The following SEMA3A variants were observed in gnomAD, a reference collection of about 807,000 sequenced individuals.
SEMA3A encodes the protein semaphorin 3A.
A neutral mutation model predicts 97.9 loss-of-function variants in SEMA3A; 29 were observed. That is an observed-to-expected ratio of 0.30 (90% confidence interval 0.22 to 0.40). SEMA3A has a LOEUF of 0.40. SEMA3A is among the 10% of genes least tolerant of loss of function. The pLI is 1.00. For synonymous variants in SEMA3A, 321 were observed against 323.7 expected (o/e 0.99, Z 0.09); for missense variants, 763 against 951.3 (o/e 0.80, Z 2.60).
At chr7:84,425,521 T>A (rs2116301996) in intron 1 of SEMA3A, among the ~76,000 whole-genome samples, 1 of 143,768 alleles carries the variant, frequency 7.0e-6, no homozygotes, top group Admixed American at 7.2e-5. Flanking sequence ...CATATGAATA[T>A]AAGCATAAAC....
At chr7:84,325,309 T>C (rs543562714) in intron 2 of SEMA3A, among the ~76,000 whole-genome samples, 18 of 151,918 alleles carry the variant, frequency 1.2e-4, no homozygotes, top group Non-Finnish European at 2.4e-4. Context: ...AATCAAACAA[T>C]CAAATTATGA....
chr7:84,368,151 G>C lies in SEMA3A; in HGVS notation c.-169+3673C>G, dbSNP rs538310307. ...TAACCCATGGTATTTCTAAAAATAG[G>C]TTATAAGCTTCAAAAATTCTATTTT... On this transcript the variant is annotated intron_variant, in intron 2 of 3. Coordinates refer to the SEMA3A transcript ENST00000424555. Among the ~76,000 whole-genome samples the C allele has an allele frequency of 1.4e-3, 215 of 151,130 alleles. 1 individual carries two copies. Among genetic ancestry groups the C allele is most frequent in the African/African-American group, 5.0e-3 (208 of 41,416 alleles).
chr7:84,091,559 T>G (rs1794605298), intron 4 of SEMA3A, among the ~76,000 whole-genome samples: 1 of 152,124 alleles, frequency 6.6e-6, no homozygotes, highest in African/African-American at 2.4e-5. Context: ...CAGAAGCTAT[T>G]CAGCCGAGTG....
intron 3 of SEMA3A, among the ~76,000 whole-genome samples, chr7:84,279,385 C>A (rs2115735611): frequency 6.6e-6 from 1 of 152,096 alleles, no homozygotes; most frequent in Middle Eastern, 3.4e-3. Context: ...AAAGTAGATA[C>A]AACCTTGGAG....
intron 4 of SEMA3A, among the ~76,000 whole-genome samples, chr7:84,078,657 T>G: frequency 6.6e-6 from 1 of 152,086 alleles, no homozygotes; most frequent in East Asian, 1.9e-4. Context: ...GATTTGAAAC[T>G]CTAGTTTAAT....
At chr7:84,342,342 AT>A (rs1027417435) in intron 2 of SEMA3A, among the ~76,000 whole-genome samples, 8 of 151,960 alleles carry the variant, frequency 5.3e-5, no homozygotes, top group African/African-American at 1.9e-4. Context: ...CCACTATAGA[AT>A]TTTTTTACTT....
intron 4 of SEMA3A, among the ~76,000 whole-genome samples, chr7:84,090,873 C>T (rs1195841344): frequency 2.0e-5 from 3 of 151,348 alleles, no homozygotes; most frequent in African/African-American, 7.3e-5. Context: ...TCAAGACCAG[C>T]CTAGCCAACA....
intron 2 of SEMA3A, among the ~76,000 whole-genome samples, chr7:84,320,729 A>T (rs1359950761): frequency 1.3e-5 from 2 of 150,878 alleles, no homozygotes; most frequent in Admixed American, 1.3e-4. Context: ...AATTGCAATT[A>T]TTATACAATG....
intron 11 of SEMA3A, among the ~76,000 whole-genome samples, chr7:84,004,182 T>TAG (rs1790569830): frequency 6.6e-6 from 1 of 152,098 alleles, no homozygotes; most frequent in Non-Finnish European, 1.5e-5. Context: ...AGAAATTTAT[T>TAG]ACCTTGGAAT....
chr7:84,412,974 T>G (rs556185381), intron 1 of SEMA3A, among the ~76,000 whole-genome samples: 17 of 152,090 alleles, frequency 1.1e-4, no homozygotes, highest in Middle Eastern at 3.4e-3. Context: ...ATACACAAAT[T>G]TCTTTTTCAA....
rs964889622 is a variant in SEMA3A at position 84,194,642 on chromosome 7, G to T, written c.-56C>A. The T allele has an allele frequency of 1.8e-6, 2 of 1,115,496 alleles. No individual in the cohort carries two copies. The highest frequency in any genetic ancestry group is 3.1e-5 in the African/African-American group (2 of 64,262). The allele number at this position is 1,115,496 out of a possible 1,614,324, so 69.1% of individuals were successfully genotyped here. A position where few individuals can be genotyped will look rare whatever the true frequency, so the allele number is the denominator to read the frequency against. The stretch of plus-strand genomic sequence containing the variant: ...TTAGTCTTCCTTCCTGTATTGTGCG[G>T]CCAGAGAAGTTCAAACAATCTGGAA... On this transcript the variant is annotated 5_prime_UTR_variant, in exon 1 of 17. Coordinates refer to ENST00000265362, the MANE Select transcript of SEMA3A (RefSeq NM_006080.3).
chr7:84,294,184 A>G (rs1800816146), intron 3 of SEMA3A, among the ~76,000 whole-genome samples: 1 of 151,898 alleles, frequency 6.6e-6, no homozygotes, highest in Non-Finnish European at 1.5e-5. Flanking sequence ...AAGATTATAC[A>G]TGTTTATTTT....
intron 1 of SEMA3A, among the ~76,000 whole-genome samples, chr7:84,439,394 T>G (rs1390238755): frequency 6.6e-6 from 1 of 152,136 alleles, no homozygotes; most frequent in Non-Finnish European, 1.5e-5. Context: ...AAATCTTGGT[T>G]GTATTTCAAA....
intron 4 of SEMA3A, among the ~76,000 whole-genome samples, chr7:84,075,709 G>A (rs1015179505): frequency 7.9e-5 from 12 of 152,014 alleles, no homozygotes; most frequent in Admixed American, 6.6e-5. Context: ...TGCCCACCTC[G>A]GTCTCTCAAA....
At chr7:84,150,757 C>G (rs1177426365) in intron 1 of SEMA3A, among the ~76,000 whole-genome samples, 1 of 152,124 alleles carries the variant, frequency 6.6e-6, no homozygotes, top group African/African-American at 2.4e-5. Flanking sequence ...GGAGGCCTGC[C>G]TGCCTCTGTA....
At chr7:84,266,803 A>T in intron 3 of SEMA3A, among the ~76,000 whole-genome samples, 2 of 152,152 alleles carry the variant, frequency 1.3e-5, no homozygotes, top group East Asian at 3.9e-4. Context: ...GAGAATATTT[A>T]CAACCTTAAG....
At chr7:84,116,649 G>A (rs1348973917) in intron 3 of SEMA3A, among the ~76,000 whole-genome samples, 1 of 152,102 alleles carries the variant, frequency 6.6e-6, no homozygotes, top group African/African-American at 2.4e-5. Flanking sequence ...AAACTGGCTG[G>A]TGTCTCTATA....
At chr7:84,326,822 G>A (rs1186545019) in intron 2 of SEMA3A, among the ~76,000 whole-genome samples, 4 of 151,646 alleles carry the variant, frequency 2.6e-5, no homozygotes, top group Non-Finnish European at 5.9e-5. Flanking sequence ...AAATTAACTC[G>A]AGATTGATTA....
At chr7:84,173,026 G>A (rs935703554) in intron 1 of SEMA3A, among the ~76,000 whole-genome samples, 1 of 152,030 alleles carries the variant, frequency 6.6e-6, no homozygotes, top group African/African-American at 2.4e-5. Context: ...CTGTCCACAA[G>A]GTAAAGGGTA....
Sources: gnomAD v4.1 joint callset for allele counts (sites outside exome capture counted in the v4.1 genomes callset) on GRCh38, gnomAD v4.1.1 for gene constraint, MANE v1.5 for transcripts, NCBI Gene and HGNC (gene_info 2026-07-23, HGNC 2026-07-21) for gene names.